SMCHD1: variants seen among roughly 807,000 people sequenced by gnomAD.
SMCHD1 encodes the protein structural maintenance of chromosomes flexible hinge domain-containing protein 1.
SMCHD1 carries 78 observed loss-of-function variants against 254.7 expected under a neutral mutation model. The observed-to-expected ratio is 0.31, with a 90% confidence interval of 0.26 to 0.37. The LOEUF (loss-of-function observed/expected upper bound fraction) is 0.37. Among genes scored for constraint, SMCHD1 ranks in the 10% least tolerant of loss-of-function variants. The pLI is 1.00. For missense variants in SMCHD1, 1,840 were observed against 2,408.1 expected, an observed-to-expected ratio of 0.76 and a Z score of 4.94; for synonymous variants, 766 against 794.9, an observed-to-expected ratio of 0.96 and a Z score of 0.61.
chr18:2,694,837 T>C (rs918517656), intron 8 of SMCHD1, 144 bp downstream of exon 8: 4 of 661,822 alleles, frequency 6.0e-6, no homozygotes, highest in Non-Finnish European at 1.0e-5. Context: ...TACTCTGATA[T>C]TGGTGTTAAA....
chr18:2,728,061 G>A (rs1393030778), intron 22 of SMCHD1, among the ~76,000 whole-genome samples: 2 of 152,044 alleles, frequency 1.3e-5, no homozygotes, highest in Non-Finnish European at 2.9e-5. Flanking sequence ...TTCTTTGAAT[G>A]TCTAAAACAT....
chr18:2,760,592 T>C, intron 34 of SMCHD1, 60 bp from the exon 35 acceptor site: 1 of 938,368 alleles, frequency 1.1e-6, no homozygotes, highest in South Asian at 1.3e-5. Context: ...GTTGACTCTT[T>C]GAATTCCTTC....
At chr18:2,662,577 G>A (rs889912610) in intron 1 of SMCHD1, among the ~76,000 whole-genome samples, 32 of 151,006 alleles carry the variant, frequency 2.1e-4, no homozygotes, top group Middle Eastern at 3.4e-3. Flanking sequence ...CCCGGGCGGC[G>A]GAGCTTGCAG....
chr18:2,747,281 G>A (rs1454242917), intron 29 of SMCHD1, among the ~76,000 whole-genome samples: 1 of 152,144 alleles, frequency 6.6e-6, no homozygotes, highest in African/African-American at 2.4e-5. Flanking sequence ...CCAATCTCCT[G>A]TGGATACTGA....
intron 47 of SMCHD1, chr18:2,800,903 C>T (rs2076349770): frequency 6.6e-6 from 1 of 152,072 alleles, no homozygotes; most frequent in African/African-American, 2.4e-5. Context: ...ACATGGAGGA[C>T]AATTTAGTAA....
chr18:2,793,773 A>G (rs1213319331), intron 45 of SMCHD1, among the ~76,000 whole-genome samples: 2 of 152,208 alleles, frequency 1.3e-5, no homozygotes, highest in African/African-American at 4.8e-5. Context: ...TCAGTTTCAC[A>G]TATAGAATTT....
chr18:2,658,935 CACATATATAT>C (rs2073162104), intron 1 of SMCHD1, among the ~76,000 whole-genome samples: 1 of 143,960 alleles, frequency 6.9e-6, no homozygotes, highest in Non-Finnish European at 1.5e-5. Context: ...CACATATATA[CACATATATAT>C]ACACACACAT....
rs886044366 is a variant in SMCHD1, at chr18:2,743,845, G to C, written c.3718G>C (p.Glu1240Gln). ...TAAGGATCTTTGTTTTACTTGGCGT[G>C]AGTTTTCTGACTTTATTCGAGTGCA... The part of the protein sequence containing the change: ...GNKDLCFTWR[E>Q]FSDFIRVQLI... Residue 1240 changes from glutamate to glutamine, a missense_variant, in exon 29 of 48, where the codon GAG becomes CAG. By Grantham distance (29) the Glu-to-Gln change is conservative. This residue lies in a region of SMCHD1 where 881 missense variants were observed against 1,009.5 expected (regional missense o/e 0.87). Coordinates refer to ENST00000320876, the MANE Select transcript of SMCHD1 (RefSeq NM_015295.3). 5.0e-6 allele frequency: 8 copies of C among 1,613,246 alleles called. No homozygotes were observed. The highest frequency in any genetic ancestry group is 6.8e-6 in the Non-Finnish European group (8 of 1,179,560).
chr18:2,738,348 G>A (rs1046695364), intron 25 of SMCHD1, 49 bp from the exon 26 acceptor site: 91 of 1,204,938 alleles, frequency 7.6e-5, no homozygotes, highest in Non-Finnish European at 9.7e-5. Flanking sequence ...GGCAGTAAGA[G>A]AACATTAGAC....
At chr18:2,743,567 G>T (rs1373633547) in intron 28 of SMCHD1, among the ~76,000 whole-genome samples, 194 bp from the exon 29 acceptor site, 1 of 152,104 alleles carries the variant, frequency 6.6e-6, no homozygotes. Context: ...CCCCTTGAAA[G>T]AAAAAATTCA....
At chr18:2,771,665 C>G in intron 40 of SMCHD1, 47 bp downstream of exon 40, 1 of 1,365,546 alleles carries the variant, frequency 7.3e-7, no homozygotes. Context: ...AAAGTCTATT[C>G]TACAATTTTC....
chr18:2,695,862 T>C (rs969977810), intron 8 of SMCHD1, among the ~76,000 whole-genome samples: 1 of 152,198 alleles, frequency 6.6e-6, no homozygotes, highest in Non-Finnish European at 1.5e-5. Context: ...AATACCTTTT[T>C]TCTTGTTGAA....
chr18:2,697,858 C>G lies in SMCHD1; in HGVS notation c.1159C>G (p.Pro387Ala). The change falls in exon 10 of 48, where the codon CCT (proline) becomes GCT (alanine). Residue 387 changes from proline to alanine, a missense_variant. Pro to Ala is a conservative substitution (Grantham distance 27). Coordinates refer to ENST00000320876, the MANE Select transcript of SMCHD1 (RefSeq NM_015295.3). ...TTCTATGTTTGAAAAAGGGAAGGTA[C>G]CTAAGATTGTCAACCTAAGGGAAAT... ...EISMFEKGKVPKIVNLREIQD... is the reference protein window; with the variant it reads ...EISMFEKGKVAKIVNLREIQD... 1 of 1,612,252 alleles carries G rather than the reference C, an allele frequency of 6.2e-7. No individual in the cohort carries two copies. Among genetic ancestry groups the G allele is most frequent in the Non-Finnish European group, 8.5e-7 (1 of 1,178,672 alleles).
Position 2,739,513 on chromosome 18 carries a change from A to C in SMCHD1, c.3507A>C (p.Gly1169=). The C allele has an allele frequency of 6.2e-7, 1 of 1,612,510 alleles. No individual in the cohort carries two copies. Among genetic ancestry groups the C allele is most frequent in the Non-Finnish European group, 8.5e-7 (1 of 1,178,964 alleles). Residue 1169 remains glycine, a synonymous_variant, in exon 27 of 48, where the codon GGA becomes GGC. Transcript: ENST00000320876. ...TACAGATGGGCCAAGAGCTTCAAGG[A>C]GAAGTAGGTTAGTATGGCTTGCTTT... is the stretch of plus-strand genomic sequence containing the variant. ...KTVQMGQELQ[G]EVVIIITDQY...
At chr18:2,721,371 G>A (rs1249125970) in intron 19 of SMCHD1, among the ~76,000 whole-genome samples, 3 of 152,018 alleles carry the variant, frequency 2.0e-5, no homozygotes, top group Admixed American at 6.6e-5. Flanking sequence ...CCACCTTGGA[G>A]TGTGGTTTTC....
At position 2,726,485 on chromosome 18, in the gene SMCHD1, A is replaced by G; in HGVS notation, c.2734A>G (p.Lys912Glu). The change falls in exon 22 of 48, where the codon AAA becomes GAA. Residue 912 changes from lysine to glutamate, a missense_variant. Physicochemically the swap from Lys to Glu is moderately conservative, Grantham distance 56 (BLOSUM62 1). Coordinates refer to ENST00000320876, the MANE Select transcript of SMCHD1 (RefSeq NM_015295.3). ...YNLKVTLPGLKEDSQILKIRL... is the reference protein window; with the variant it reads ...YNLKVTLPGLEEDSQILKIRL... ...TCTGAAGGTTACTCTGCCTGGCTTA[A>G]AAGAAGACTCACAGATTTTGAAAAT... is the stretch of plus-strand genomic sequence containing the variant. 1 of 1,506,926 alleles carries G rather than the reference A, an allele frequency of 6.6e-7. No homozygotes were observed. Among genetic ancestry groups the G allele is most frequent in the African/African-American group, 1.4e-5 (1 of 71,920 alleles). 93.3% of individuals were successfully genotyped at this position (1,506,926 alleles called of 1,614,324 possible). A position where few individuals can be genotyped will look rare whatever the true frequency, so the allele number is the denominator to read the frequency against.
At chr18:2,794,548 T>A (rs1408757478) in intron 45 of SMCHD1, among the ~76,000 whole-genome samples, 1 of 152,142 alleles carries the variant, frequency 6.6e-6, no homozygotes, top group Non-Finnish European at 1.5e-5. Context: ...TCTTGGCCAA[T>A]GAGTGGTAGT....
At chr18:2,768,640 T>C (rs1020296750) in intron 37 of SMCHD1, among the ~76,000 whole-genome samples, 1 of 117,324 alleles carries the variant, frequency 8.5e-6, no homozygotes, top group African/African-American at 2.8e-5. Flanking sequence ...CTAGTATATA[T>C]AGTATACAGT....
intron 45 of SMCHD1, among the ~76,000 whole-genome samples, chr18:2,795,359 T>G (rs2076243826): frequency 6.6e-6 from 1 of 152,200 alleles, no homozygotes. Flanking sequence ...ATGCCCAGCC[T>G]AAAAATTCTG....
Sources: gnomAD v4.1 joint callset for allele counts (sites outside exome capture counted in the v4.1 genomes callset) on GRCh38, gnomAD v4.1.1 for gene constraint, gnomAD v4.1.1 regional missense constraint, MANE v1.5 for transcripts, NCBI Gene and HGNC (gene_info 2026-07-23, HGNC 2026-07-21) for gene names.